The following PTPRD variants were observed in gnomAD, a reference collection of about 807,000 sequenced individuals.
The protein encoded by PTPRD is receptor-type tyrosine-protein phosphatase delta.
In PTPRD, 34 loss-of-function variants were observed where a neutral mutation model predicts 214.5. The ratio of observed to expected loss-of-function variants is 0.16; its 90% CI spans 0.12 to 0.21. The LOEUF is 0.21. Among genes scored for constraint, PTPRD ranks in the 10% least tolerant of loss-of-function variants. The pLI, the probability that PTPRD is intolerant of heterozygous loss-of-function variation, is 1.00. For missense variants in PTPRD, 2,545 were observed against 2,398.7 expected, an observed-to-expected ratio of 1.06 and a Z score of -1.27; for synonymous variants, 1,128 against 845.7, an observed-to-expected ratio of 1.33 and a Z score of -5.79.
intron 14 of PTPRD, among the ~76,000 whole-genome samples, chr9:8,557,795 C>CATAT (rs1554785728): frequency 7.1e-6 from 1 of 140,062 alleles, no homozygotes; most frequent in African/African-American, 2.7e-5. Context: ...CACACACACA[C>CATAT]ACACACACAC....
chr9:8,344,766 G>A (rs141453865), intron 39 of PTPRD, among the ~76,000 whole-genome samples: 11 of 152,052 alleles, frequency 7.2e-5, no homozygotes, highest in African/African-American at 1.7e-4. Flanking sequence ...ATGGCTGTGT[G>A]TCCTTGAGAA....
intron 9 of PTPRD, among the ~76,000 whole-genome samples, chr9:9,301,393 C>G (rs1398374943): frequency 6.6e-6 from 1 of 151,792 alleles, no homozygotes; most frequent in Non-Finnish European, 1.5e-5. Flanking sequence ...ACCAGCAGTT[C>G]TATTCTAACA....
At chr9:8,318,723 A>G (rs1824177210) in intron 45 of PTPRD, among the ~76,000 whole-genome samples, 1 of 152,098 alleles carries the variant, frequency 6.6e-6, no homozygotes, top group Non-Finnish European at 1.5e-5. Flanking sequence ...AGAGAGGCAC[A>G]CACTAAAAAA....
At chr9:9,763,177 G>A (rs1045437631) in intron 6 of PTPRD, among the ~76,000 whole-genome samples, 1 of 151,994 alleles carries the variant, frequency 6.6e-6, no homozygotes, top group African/African-American at 2.4e-5. Flanking sequence ...GTTATTCAAT[G>A]GATTCATCCT....
intron 7 of PTPRD, among the ~76,000 whole-genome samples, chr9:9,652,325 T>G (rs544453477): frequency 2.6e-5 from 4 of 152,338 alleles, no homozygotes; most frequent in African/African-American, 9.6e-5. Context: ...GGCAATAATC[T>G]GAGACAAAGT....
At chr9:9,672,038 G>A (rs530574229) in intron 7 of PTPRD, among the ~76,000 whole-genome samples, 1 of 152,134 alleles carries the variant, frequency 6.6e-6, no homozygotes, top group African/African-American at 2.4e-5. Flanking sequence ...GAGAGAATGA[G>A]GCAACCTTTA....
intron 3 of PTPRD, among the ~76,000 whole-genome samples, chr9:10,112,522 G>A (rs1421551810): frequency 6.6e-6 from 1 of 151,600 alleles, no homozygotes; most frequent in Non-Finnish European, 1.5e-5. Context: ...TATCAAATTT[G>A]TAATGAAGGA....
At chr9:9,512,193 G>A (rs1019743259) in intron 8 of PTPRD, among the ~76,000 whole-genome samples, 6 of 151,762 alleles carry the variant, frequency 4.0e-5, no homozygotes, top group Admixed American at 3.3e-4. Flanking sequence ...TAGCAAAGAC[G>A]TAATTACATG....
At chr9:9,050,606 G>T (rs936004879) in intron 10 of PTPRD, among the ~76,000 whole-genome samples, 2 of 152,116 alleles carry the variant, frequency 1.3e-5, no homozygotes, top group African/African-American at 4.8e-5. Context: ...ATTTTAAATT[G>T]CATCACTCTG....
chr9:9,130,893 A>G (rs888257038), intron 10 of PTPRD, among the ~76,000 whole-genome samples: 7 of 152,202 alleles, frequency 4.6e-5, no homozygotes, highest in Non-Finnish European at 1.0e-4. Context: ...TCAAATGTCC[A>G]TTTAAAAGCC....
At chr9:10,473,029 T>A (rs187031872) in intron 2 of PTPRD, among the ~76,000 whole-genome samples, 3 of 152,196 alleles carry the variant, frequency 2.0e-5, no homozygotes, top group Admixed American at 2.0e-4. Context: ...TTTAATACAT[T>A]AAGATTATTT....
intron 11 of PTPRD, among the ~76,000 whole-genome samples, chr9:8,801,068 AAT>A (rs931992342): frequency 3.3e-5 from 5 of 152,328 alleles, no homozygotes; most frequent in African/African-American, 1.2e-4. Context: ...ATGTGCAAAA[AAT>A]AATATGTAGC....
intron 5 of PTPRD, among the ~76,000 whole-genome samples, chr9:9,874,891 T>G (rs1034119998): frequency 6.6e-6 from 1 of 152,260 alleles, no homozygotes; most frequent in Non-Finnish European, 1.5e-5. Flanking sequence ...GCTAGAAATA[T>G]AAAATACTTT....
intron 10 of PTPRD, among the ~76,000 whole-genome samples, chr9:9,182,651 A>T (rs2131475765): frequency 6.6e-6 from 1 of 152,132 alleles, no homozygotes; most frequent in South Asian, 2.1e-4. Context: ...GAGGATTTTA[A>T]ACAAAAAGTA....
intron 2 of PTPRD, among the ~76,000 whole-genome samples, chr9:10,572,984 C>T (rs950965535): frequency 3.9e-5 from 6 of 151,914 alleles, no homozygotes; most frequent in Non-Finnish European, 7.4e-5. Context: ...AGATGAGGTA[C>T]TGTATAGAAG....
chr9:9,669,888 T>C (rs180820958), intron 7 of PTPRD, among the ~76,000 whole-genome samples: 32 of 152,290 alleles, frequency 2.1e-4, no homozygotes, highest in Non-Finnish European at 3.8e-4. Flanking sequence ...CATAAAGATA[T>C]GCTTAGCACC....
intron 2 of PTPRD, among the ~76,000 whole-genome samples, chr9:10,470,268 A>T (rs777537743): frequency 1.8e-4 from 27 of 151,966 alleles, no homozygotes; most frequent in Admixed American, 5.3e-4. Flanking sequence ...TAAAAAAATT[A>T]AAAACAAAAA....
At chr9:9,381,005 G>A (rs557270451) in intron 9 of PTPRD, among the ~76,000 whole-genome samples, 1 of 151,970 alleles carries the variant, frequency 6.6e-6, no homozygotes, top group Non-Finnish European at 1.5e-5. Flanking sequence ...ATAGCTATTC[G>A]TATTTCTTTT....
intron 10 of PTPRD, among the ~76,000 whole-genome samples, chr9:9,174,701 CA>C (rs1351685909): frequency 1.3e-5 from 2 of 152,034 alleles, no homozygotes; most frequent in Admixed American, 6.6e-5. Flanking sequence ...TCTAATATTT[CA>C]AAAAGTGATT....
Sources: gnomAD v4.1 joint callset for allele counts (sites outside exome capture counted in the v4.1 genomes callset) on GRCh38, gnomAD v4.1.1 for gene constraint, MANE v1.5 for transcripts, NCBI Gene and HGNC (gene_info 2026-07-23, HGNC 2026-07-21) for gene names.